The following SVIL variants were observed in gnomAD, a reference collection of about 807,000 sequenced individuals.
SVIL encodes the protein archvillin.
A neutral mutation model predicts 240.4 loss-of-function variants in SVIL; 101 were observed. That is an observed-to-expected ratio of 0.42 (90% CI 0.36 to 0.50). The LOEUF (loss-of-function observed/expected upper bound fraction) is 0.50. Among genes scored for constraint, SVIL ranks in the 20% least tolerant of loss-of-function variants. The probability of loss-of-function intolerance (pLI) is 0.01; values close to 1 mark genes in which losing one functional copy is unlikely to be tolerated. For missense variants in SVIL, 2,512 were observed against 2,818.7 expected, an observed-to-expected ratio of 0.89 and a Z score of 2.46; for synonymous variants, 999 against 1,100.0, an observed-to-expected ratio of 0.91 and a Z score of 1.82.
In SVIL at chr10:29,563,309, TAATAA is replaced by T. The variant is rs1954678904; in HGVS notation, c.-142-22_-142-18del. 3.1e-6 allele frequency: 3 copies of T among 976,796 alleles called. No individual in the cohort carries two copies. The highest frequency in any genetic ancestry group is 5.3e-4 in the Middle Eastern group (1 of 1,896). 60.5% of individuals were successfully genotyped at this position (976,796 alleles called of 1,614,324 possible). On this transcript the variant is annotated intron_variant, in intron 2 of 37. Coordinates refer to ENST00000355867, the MANE Select transcript of SVIL (RefSeq NM_021738.3). ...TTCTGAAAGCTAAAAATTACTCCAT[TAATAA>T]AGTTAAGTCCATTTAAATAAAGATA...
chr10:29,668,877 C>A (rs1281071298), intron 2 of SVIL, among the ~76,000 whole-genome samples: 1 of 152,146 alleles, frequency 6.6e-6, no homozygotes, highest in African/African-American at 2.4e-5. Context: ...CACTATGATT[C>A]AGCCTACACA....
chr10:29,530,684 A>T lies in SVIL; in HGVS notation c.2045-16T>A, dbSNP rs765869742. 2 of 1,613,936 alleles carry T rather than the reference A, an allele frequency of 1.2e-6. No individual in the cohort carries two copies. The highest frequency in any genetic ancestry group is 4.5e-5 in the East Asian group (2 of 44,904). On this transcript the variant is annotated splice_polypyrimidine_tract_variant and intron_variant, in intron 10 of 37. Coordinates refer to ENST00000355867, the MANE Select transcript of SVIL (RefSeq NM_021738.3). The stretch of plus-strand genomic sequence containing the variant: ...TTTTCTTCATCTGCAAAAAGCCACA[A>T]ATTAAAAACTGGACATCATTAGAGA...
rs1443316368 is a variant in SVIL at position 29,527,042 on chromosome 10, G to A, written c.2261C>T (p.Ala754Val). 1 of 1,613,944 alleles carries A rather than the reference G, an allele frequency of 6.2e-7. No homozygotes were observed. Among genetic ancestry groups the A allele is most frequent in the South Asian group, 1.1e-5 (1 of 91,012 alleles). Residue 754 changes from alanine (A) to valine (V), a missense_variant, in exon 13 of 38, where the codon GCT becomes GTT. Physicochemically the swap from Ala to Val is moderately conservative, Grantham distance 64. Transcript: ENST00000355867. ...VVIAATEPIP[A>V]SCSGGTHPVM... ...AGGGTGGGTGCCCCCAGAACACGAA[G>A]CGGGGATAGGTTCACTTTAAAAGCA...
At chr10:29,532,255 G>A (rs1341018146) in intron 8 of SVIL, 83 bp from the exon 9 acceptor site, 8 of 1,488,522 alleles carry the variant, frequency 5.4e-6, no homozygotes, top group Admixed American at 2.1e-5. Context: ...ATGCATCTCC[G>A]TGAGTCAAGG....
At chr10:29,682,855 G>C (rs1960774068) in intron 2 of SVIL, among the ~76,000 whole-genome samples, 3 of 152,208 alleles carry the variant, frequency 2.0e-5, no homozygotes, top group Non-Finnish European at 4.4e-5. Context: ...AATGGGGAGA[G>C]TTGGCCAAGG....
intron 1 of SVIL, among the ~76,000 whole-genome samples, chr10:29,722,353 A>G (rs1964042649): frequency 1.3e-5 from 2 of 152,126 alleles, no homozygotes; most frequent in African/African-American, 4.8e-5. Context: ...AAAAAGTGAG[A>G]GTTTGAGAAA....
chr10:29,676,374 A>AAG (rs1205007238), intron 2 of SVIL, among the ~76,000 whole-genome samples: 10 of 114,676 alleles, frequency 8.7e-5, no homozygotes, highest in Non-Finnish European at 1.4e-4. Context: ...GTGGAAAAAA[A>AAG]AGAGTGTGTG....
At chr10:29,552,652 C>T (rs1014741016) in intron 5 of SVIL, among the ~76,000 whole-genome samples, 4 of 151,904 alleles carry the variant, frequency 2.6e-5, no homozygotes, top group Non-Finnish European at 5.9e-5. Context: ...ACAGGCATTC[C>T]ATTATTACCT....
intron 1 of SVIL, among the ~76,000 whole-genome samples, chr10:29,572,763 C>CAAAAAAA (rs375180538): frequency 2.1e-4 from 17 of 81,110 alleles, no homozygotes; most frequent in African/African-American, 3.8e-4. Flanking sequence ...GATCCTATCT[C>CAAAAAAA]AAAAAAAAAA....
At chr10:29,513,425 C>T (rs979636662) in intron 16 of SVIL, among the ~76,000 whole-genome samples, 1 of 152,028 alleles carries the variant, frequency 6.6e-6, no homozygotes, top group African/African-American at 2.4e-5. Context: ...AAAAATTAGC[C>T]AGCGGGAGGC....
intron 3 of SVIL, among the ~76,000 whole-genome samples, chr10:29,643,203 G>A (rs1336697929): frequency 1.3e-5 from 2 of 152,190 alleles, no homozygotes; most frequent in African/African-American, 2.4e-5. Flanking sequence ...TGATGTCAGA[G>A]CATTGGCCAG....
At chr10:29,562,334 A>T (rs1236861619) in intron 3 of SVIL, among the ~76,000 whole-genome samples, 1 of 152,228 alleles carries the variant, frequency 6.6e-6, no homozygotes, top group Non-Finnish European at 1.5e-5. Context: ...ATTTTACCGC[A>T]TGTGCGCCTT....
At chr10:29,569,476 A>G (rs181933679) in intron 1 of SVIL, among the ~76,000 whole-genome samples, 164 bp from the exon 2 acceptor site, 67 of 152,318 alleles carry the variant, frequency 4.4e-4, no homozygotes, top group African/African-American at 1.5e-3. Context: ...CTAAGAATCA[A>G]ATTCCACATG....
Position 29,524,041 on chromosome 10 carries a change from G to A in SVIL, c.2587-14C>T. ...TCCACTCTGCACCTGGAAGGACACAGTTAAAAATTAAAAAGCTGCTTGAAA... is the reference window on the plus strand; with the variant it reads ...TCCACTCTGCACCTGGAAGGACACAATTAAAAATTAAAAAGCTGCTTGAAA... On this transcript the variant is annotated splice_polypyrimidine_tract_variant and intron_variant, in intron 14 of 37. Transcript: ENST00000355867. 6.4e-7 allele frequency: 1 copy of A among 1,572,106 alleles called. No homozygotes were observed. The highest frequency in any genetic ancestry group is 8.6e-7 in the Non-Finnish European group (1 of 1,162,956).
chr10:29,550,884 A>G lies in SVIL; in HGVS notation c.540T>C (p.Gly180=). The G allele has an allele frequency of 6.2e-7, 1 of 1,613,724 alleles. No homozygotes were observed. The highest frequency in any genetic ancestry group is 8.5e-7 in the Non-Finnish European group (1 of 1,179,908). The change falls in exon 6 of 38, where the codon GGT becomes GGC. Residue 180 remains glycine, a synonymous_variant. Transcript: ENST00000355867. Reference sequence around the variant, plus strand: ...CATGGAGGGCATAGTCCTTGGATTCACCGGCACAGGTCCTGAGCCCCATCG... The same window carrying G: ...CATGGAGGGCATAGTCCTTGGATTCGCCGGCACAGGTCCTGAGCCCCATCG... The part of the protein sequence containing the change: ...TETMGLRTCA[G]ESKDYALHVG...
At chr10:29,701,941 A>G (rs1227457483) in intron 1 of SVIL, among the ~76,000 whole-genome samples, 1 of 152,178 alleles carries the variant, frequency 6.6e-6, no homozygotes, top group African/African-American at 2.4e-5. Context: ...TGGGAGGCCG[A>G]GGCAGATGGA....
intron 1 of SVIL, among the ~76,000 whole-genome samples, chr10:29,704,994 C>T (rs551304560): frequency 3.3e-5 from 5 of 152,256 alleles, no homozygotes; most frequent in South Asian, 2.1e-4. Context: ...AAACCATGTA[C>T]ATTTGGTGCT....
At position 29,531,992 on chromosome 10, in the gene SVIL, G is replaced by T. The variant is rs375283770; in HGVS notation, c.2009+10C>A. 23 of 1,613,802 alleles carry T rather than the reference G, an allele frequency of 1.4e-5. No homozygotes were observed. The highest frequency in any genetic ancestry group is 3.3e-5 in the Admixed American group (2 of 59,996). On this transcript the variant is annotated intron_variant, in intron 9 of 37. Transcript: ENST00000355867. ...TCCTGGATGAGGAAACTGCGCATAC[G>T]CATGCCTACCTATCCGATTCCTTTC... is the stretch of plus-strand genomic sequence containing the variant.
At chr10:29,708,739 C>CCTTGCTGGGAAG (rs543635810) in intron 1 of SVIL, among the ~76,000 whole-genome samples, 70 of 152,178 alleles carry the variant, frequency 4.6e-4, no homozygotes, top group African/African-American at 1.7e-3. Flanking sequence ...AGTGTGCATG[C>CCTTGCTGGGAAG]CTTGCTGGGA....
Sources: gnomAD v4.1 joint callset for allele counts (sites outside exome capture counted in the v4.1 genomes callset) on GRCh38, gnomAD v4.1.1 for gene constraint, MANE v1.5 for transcripts, NCBI Gene and HGNC (gene_info 2026-07-23, HGNC 2026-07-21) for gene names.